Variants in C12orf42 observed in about 807,000 individuals in gnomAD.
C12orf42 encodes the protein uncharacterized protein C12orf42.
A neutral mutation model predicts 21.6 loss-of-function variants in C12orf42; 25 were observed. The observed-to-expected ratio is 1.16, with a 90% CI of 0.84 to 1.62. C12orf42 has a LOEUF of 1.62. Among genes scored for constraint, C12orf42 ranks in the 40% most tolerant of loss-of-function variants. C12orf42 has a pLI of 0.00. For missense variants in C12orf42, 483 were observed against 459.3 expected (o/e 1.05, Z -0.47); for synonymous variants, 174 against 175.0 (o/e 0.99, Z 0.05).
intron 4 of C12orf42, among the ~76,000 whole-genome samples, chr12:103,279,916 C>G (rs1593270869): frequency 6.6e-6 from 1 of 152,046 alleles, no homozygotes; most frequent in South Asian, 2.1e-4. Flanking sequence ...AACATGGGAA[C>G]TAAGACTGGA....
the C12orf42 span, among the ~76,000 whole-genome samples, chr12:103,104,523 C>G: frequency 5.3e-5 from 8 of 152,294 alleles, no homozygotes; most frequent in African/African-American, 1.9e-4. Context: ...TCTCTGCATC[C>G]TTCACCTCCT....
At chr12:103,319,804 C>G (rs1369857337) in intron 4 of C12orf42, among the ~76,000 whole-genome samples, 1 of 152,186 alleles carries the variant, frequency 6.6e-6, no homozygotes, top group Non-Finnish European at 1.5e-5. Context: ...GTGGTTTTCT[C>G]CTTCGCACAG....
chr12:103,201,273 C>T, the C12orf42 span, among the ~76,000 whole-genome samples: 3 of 152,166 alleles, frequency 2.0e-5, no homozygotes, highest in Non-Finnish European at 2.9e-5. Flanking sequence ...TTCAGAAAGC[C>T]GTAGTGGATC....
chr12:103,561,771 T>C, the C12orf42 span, among the ~76,000 whole-genome samples: 1 of 152,290 alleles, frequency 6.6e-6, no homozygotes, highest in Admixed American at 6.5e-5. Flanking sequence ...TGGCTCCTGG[T>C]GTGTCTTTTC....
intron 2 of C12orf42, among the ~76,000 whole-genome samples, chr12:103,428,185 T>A (rs1210161847): frequency 1.3e-5 from 2 of 152,038 alleles, no homozygotes; most frequent in Non-Finnish European, 2.9e-5. Context: ...CAGGAGCTGG[T>A]TTTTTGAAAA....
At chr12:103,105,817 G>A in the C12orf42 span, among the ~76,000 whole-genome samples, 5 of 152,114 alleles carry the variant, frequency 3.3e-5, no homozygotes, top group East Asian at 1.9e-4. Flanking sequence ...TAAATATGAA[G>A]AAATTTCACA....
At position 103,240,831 on chromosome 12, in the gene C12orf42, G is replaced by A. The variant is rs573202821; in HGVS notation, c.*1367-2929C>T. ...CCAAGAAAACTGTAGGCTCCTAGAA[G>A]TCAGGGACTGTGGCTTTCTTGACTC... On this transcript the variant is annotated intron_variant and NMD_transcript_variant, in intron 10 of 10. Coordinates refer to the C12orf42 transcript ENST00000547347. Among the ~76,000 whole-genome samples, 12 of 152,214 alleles carry A rather than the reference G, an allele frequency of 7.9e-5. No individual in the cohort carries two copies. In the East Asian group the frequency reaches 2.3e-3, roughly 29 times the overall value.
chr12:103,227,932 G>A, the C12orf42 span, among the ~76,000 whole-genome samples: 1 of 152,206 alleles, frequency 6.6e-6, no homozygotes, highest in Non-Finnish European at 1.5e-5. Flanking sequence ...AGAGGTTGGA[G>A]AAGAGAGTAA....
the C12orf42 span, among the ~76,000 whole-genome samples, chr12:103,170,372 C>G: frequency 3.3e-5 from 5 of 152,146 alleles, no homozygotes; most frequent in South Asian, 2.1e-4. Context: ...TTCTCCTCCT[C>G]TCTTCATTCA....
At chr12:103,515,654 C>CA in the C12orf42 span, among the ~76,000 whole-genome samples, 3 of 151,932 alleles carry the variant, frequency 2.0e-5, no homozygotes, top group Non-Finnish European at 2.9e-5. Context: ...GGGGTGGTTC[C>CA]AAAAAAATGA....
the C12orf42 span, among the ~76,000 whole-genome samples, chr12:103,544,235 AT>A: frequency 6.6e-6 from 1 of 152,022 alleles, no homozygotes; most frequent in Admixed American, 6.6e-5. Context: ...TGTTTTTATT[AT>A]TCCTAAACAT....
chr12:103,406,961 A>C (rs1311105995), intron 2 of C12orf42, among the ~76,000 whole-genome samples: 1 of 152,198 alleles, frequency 6.6e-6, no homozygotes, highest in Non-Finnish European at 1.5e-5. Context: ...GCCAGGCCAA[A>C]TAGTAGTTGT....
At chr12:103,395,100 G>A (rs566835421) in intron 3 of C12orf42, among the ~76,000 whole-genome samples, 1 of 152,318 alleles carries the variant, frequency 6.6e-6, no homozygotes, top group South Asian at 2.1e-4. Flanking sequence ...ACTAGGCCAT[G>A]CCCTCATGGA....
At chr12:103,235,838 A>G (rs963023758), downstream of C12orf42, among the ~76,000 whole-genome samples, 3 of 152,200 alleles carry the variant, frequency 2.0e-5, no homozygotes, top group Admixed American at 2.0e-4. Flanking sequence ...TGTTTTTAAA[A>G]TAAAGCCACG....
At chr12:103,061,270 T>C in the C12orf42 span, among the ~76,000 whole-genome samples, 1 of 152,202 alleles carries the variant, frequency 6.6e-6, no homozygotes, top group Non-Finnish European at 1.5e-5. Context: ...CCATTGGTCT[T>C]CTTCGACATT....
chr12:103,414,921 T>C (rs1394963622), intron 2 of C12orf42, among the ~76,000 whole-genome samples: 1 of 152,126 alleles, frequency 6.6e-6, no homozygotes, highest in Non-Finnish European at 1.5e-5. Context: ...TAGTATTATG[T>C]TGAATAAGAG....
chr12:103,214,866 A>C, the C12orf42 span, among the ~76,000 whole-genome samples: 1 of 152,094 alleles, frequency 6.6e-6, no homozygotes. Context: ...ATCCCCTGAC[A>C]TCCTGACCTC....
chr12:103,211,738 G>A, the C12orf42 span, among the ~76,000 whole-genome samples: 5 of 152,176 alleles, frequency 3.3e-5, no homozygotes, highest in South Asian at 2.1e-4. Flanking sequence ...CTAGATTCCC[G>A]GCTCTCAGAA....
rs2033739293 is a variant in C12orf42 at position 103,241,438 on chromosome 12, C to G, written c.*1367-3536G>C. 2.6e-5 allele frequency among the ~76,000 whole-genome samples: 4 copies of G among 152,240 alleles called. No individual in the cohort carries two copies. In the South Asian group the frequency reaches 8.3e-4, roughly 32 times the overall value. On this transcript the variant is annotated intron_variant and NMD_transcript_variant, in intron 10 of 10. Coordinates refer to the C12orf42 transcript ENST00000547347. ...CCGGTGGCTGCACCTGCCATTTGGA[C>G]CACTCTCCATGGGCAATTTGAAAAA...
Sources: gnomAD v4.1 joint callset for allele counts (sites outside exome capture counted in the v4.1 genomes callset) on GRCh38, gnomAD v4.1.1 for gene constraint, MANE v1.5 for transcripts, NCBI Gene and HGNC (gene_info 2026-07-23, HGNC 2026-07-21) for gene names.